Variants in JCAD observed in about 807,000 individuals in gnomAD.
JCAD encodes the protein junctional cadherin 5-associated protein.
A neutral mutation model predicts 98.0 loss-of-function variants in JCAD; 40 were observed. The observed-to-expected ratio is 0.41, with a 90% CI of 0.32 to 0.53. The LOEUF is 0.53. JCAD is among the 20% of genes least tolerant of loss of function. The pLI is 0.31. For synonymous variants in JCAD, 691 were observed against 682.3 expected (o/e 1.01, Z -0.20); for missense variants, 1,705 against 1,738.1 (o/e 0.98, Z 0.34).
At position 30,016,820 on chromosome 10, in the gene JCAD, A is replaced by AT. The variant is rs1417806729; in HGVS notation, c.*1062dup. 1 of 152,204 alleles carries AT rather than the reference A, an allele frequency of 6.6e-6. No individual in the cohort carries two copies. The highest frequency in any genetic ancestry group is 1.5e-5 in the Non-Finnish European group (1 of 68,052). The allele number at this position is 152,204 out of a possible 1,614,324, so 9.4% of individuals were successfully genotyped here. On this transcript the variant is annotated 3_prime_UTR_variant, in exon 4 of 4. Transcript: ENST00000375377. ...GAGGGTTATTTTCAAATATAACCTG[A>AT]TAGCTACACTTGTACAAAAATCTTT... is the stretch of plus-strand genomic sequence containing the variant.
At chr10:30,039,380 C>T (rs1283784313) in intron 2 of JCAD, among the ~76,000 whole-genome samples, 1 of 152,220 alleles carries the variant, frequency 6.6e-6, no homozygotes, top group Non-Finnish European at 1.5e-5. Flanking sequence ...AACGTGAGGC[C>T]CTTCCCACCT....
At chr10:30,113,145 G>A (rs1191435575) in intron 1 of JCAD, among the ~76,000 whole-genome samples, 2 of 152,150 alleles carry the variant, frequency 1.3e-5, no homozygotes, top group Non-Finnish European at 2.9e-5. Flanking sequence ...GTCAATGAAG[G>A]TGGTCATGGG....
At chr10:30,110,870 A>T (rs1196478795) in intron 1 of JCAD, among the ~76,000 whole-genome samples, 1 of 149,760 alleles carries the variant, frequency 6.7e-6, no homozygotes, top group Non-Finnish European at 1.5e-5. Context: ...TGATGTATAG[A>T]CCCCAATGTA....
At chr10:30,082,150 A>C (rs1838097984) in intron 1 of JCAD, among the ~76,000 whole-genome samples, 1 of 152,218 alleles carries the variant, frequency 6.6e-6, no homozygotes, top group African/African-American at 2.4e-5. Flanking sequence ...GTGATGATTA[A>C]AACCTTAAAA....
rs1836812047 is a variant in JCAD at position 30,026,673 on chromosome 10, A to G, written c.3475T>C (p.Phe1159Leu). The G allele has an allele frequency of 1.9e-6, 3 of 1,613,446 alleles. No homozygotes were observed. The highest frequency in any genetic ancestry group is 2.5e-6 in the Non-Finnish European group (3 of 1,180,024). Residue 1159 changes from phenylalanine to leucine, a missense_variant, in exon 3 of 4, where the codon TTT becomes CTT. By Grantham distance (22) the Phe-to-Leu change is conservative (BLOSUM62 0). Around this residue, in one of 3 missense-constraint regions of JCAD, gnomAD observed 1,278 missense variants for 1,243.1 expected, o/e 1.03. Coordinates refer to ENST00000375377, the MANE Select transcript of JCAD (RefSeq NM_020848.4). ...RKCGWTKSPL[F>L]VGDRDSARRA... ...CTGGCACTGTCCCTGTCCCCTACAA[A>G]GAGAGGGCTCTTGGTCCAGCCGCAC...
Position 30,047,949 on chromosome 10 carries a change from C to T in JCAD, c.-59-78G>A, listed in dbSNP as rs866930477. 3.4e-5 allele frequency: 27 copies of T among 803,636 alleles called. No individual in the cohort carries two copies. The South Asian group carries it at 4.5e-4, about 13-fold the overall frequency. 49.8% of individuals were successfully genotyped at this position (803,636 alleles called of 1,614,324 possible). On this transcript the variant is annotated intron_variant, in intron 1 of 3. Transcript: ENST00000375377. ...CTGACACCTCCTCCTCCCGTGGTCC[C>T]CCCACCAAACCAGACCATGGCGATG...
intron 1 of JCAD, among the ~76,000 whole-genome samples, chr10:30,084,283 A>G (rs1329715241): frequency 6.6e-6 from 1 of 152,226 alleles, no homozygotes; most frequent in Non-Finnish European, 1.5e-5. Context: ...TGAAAACTTC[A>G]CTATTATTCA....
Position 30,027,450 on chromosome 10 carries a change from C to A in JCAD, c.2698G>T (p.Glu900Ter). 6.2e-7 allele frequency: 1 copy of A among 1,604,812 alleles called. No individual in the cohort carries two copies. The highest frequency in any genetic ancestry group is 8.5e-7 in the Non-Finnish European group (1 of 1,179,986). ...CTTCCCGACCTACACACAGGGCTCT[C>A]CGGCACCCACATCCTCGGCTGTGGC... ...VEPQPRMWVP[E>*]SPVCRSGRGE... The change falls in exon 3 of 4, where the codon GAG (glutamate) becomes TAG (stop). Residue 900 changes from glutamate (E) to a stop codon, truncating the protein, a stop_gained. Transcript: ENST00000375377. LOFTEE classifies it high-confidence loss of function.
chr10:30,019,952 C>A (rs1292004888), intron 3 of JCAD, among the ~76,000 whole-genome samples: 3 of 138,334 alleles, frequency 2.2e-5, no homozygotes, highest in African/African-American at 8.2e-5. Context: ...GGAAAAAAAA[C>A]AGCAAGTCTC....
At chr10:30,036,379 G>A (rs988894886) in intron 2 of JCAD, among the ~76,000 whole-genome samples, 4 of 152,010 alleles carry the variant, frequency 2.6e-5, no homozygotes, top group Non-Finnish European at 4.4e-5. Flanking sequence ...AACCCAGGAG[G>A]TGGAGGTTGC....
intron 1 of JCAD, among the ~76,000 whole-genome samples, chr10:30,081,780 C>T (rs1712420571): frequency 1.3e-5 from 2 of 152,168 alleles, no homozygotes; most frequent in South Asian, 2.1e-4. Context: ...GCAGTACCGA[C>T]ATGCCGCTGC....
intron 1 of JCAD, among the ~76,000 whole-genome samples, chr10:30,092,052 A>ATATAT (rs1838280004): frequency 3.9e-5 from 1 of 25,404 alleles, no homozygotes; most frequent in African/African-American, 1.5e-4. Context: ...AAAAAAAAAA[A>ATATAT]AAAAAAAAAA....
At chr10:30,019,602 TG>T (rs1836615196) in intron 3 of JCAD, among the ~76,000 whole-genome samples, 1 of 151,014 alleles carries the variant, frequency 6.6e-6, no homozygotes, top group African/African-American at 2.4e-5. Flanking sequence ...GAAGGGTGGT[TG>T]CCAGGGGCTG....
intron 1 of JCAD, among the ~76,000 whole-genome samples, chr10:30,096,533 G>A (rs1395747009): frequency 1.3e-5 from 2 of 151,932 alleles, no homozygotes; most frequent in Non-Finnish European, 2.9e-5. Context: ...ATAACATTCA[G>A]CTGAAGTATC....
Position 30,029,667 on chromosome 10 carries a change from C to G in JCAD, c.481G>C (p.Glu161Gln). The change falls in exon 3 of 4, where the codon GAG (glutamate) becomes CAG (glutamine). Residue 161 changes from glutamate to glutamine, a missense_variant. Glu to Gln is a conservative substitution (Grantham distance 29, BLOSUM62 2). This residue lies in a region of JCAD where 275 missense variants were observed against 346.9 expected (regional missense o/e 0.79). Coordinates refer to ENST00000375377, the MANE Select transcript of JCAD (RefSeq NM_020848.4). ...CAAACTGGCTTCTTCATCACATGCT[C>G]TGACCTTCCTCCAACTTCCCATGGA... Reference protein sequence around the residue: ...EGPWEVGGRSEHVMKKPVWEE... With the variant: ...EGPWEVGGRSQHVMKKPVWEE... 1 of 1,614,242 alleles carries G rather than the reference C, an allele frequency of 6.2e-7. No homozygotes were observed. The highest frequency in any genetic ancestry group is 1.1e-5 in the South Asian group (1 of 91,086).
chr10:30,043,873 T>C (rs1034604829), intron 2 of JCAD, among the ~76,000 whole-genome samples: 5 of 152,250 alleles, frequency 3.3e-5, no homozygotes, highest in African/African-American at 7.2e-5. Flanking sequence ...TGAGCAGCCA[T>C]TGATGGCCAG....
intron 1 of JCAD, among the ~76,000 whole-genome samples, chr10:30,105,783 T>C (rs2132713966): frequency 6.6e-6 from 1 of 152,338 alleles, no homozygotes; most frequent in Non-Finnish European, 1.5e-5. Flanking sequence ...TGCCAATGTG[T>C]TATTTTTTAT....
intron 1 of JCAD, among the ~76,000 whole-genome samples, chr10:30,087,841 C>G (rs527299218): frequency 6.6e-6 from 1 of 152,138 alleles, no homozygotes; most frequent in South Asian, 2.1e-4. Flanking sequence ...ACTTCTGTAA[C>G]CTTTGTTTGT....
chr10:30,061,804 C>T (rs746546781), upstream of JCAD, among the ~76,000 whole-genome samples: 9 of 151,216 alleles, frequency 6.0e-5, no homozygotes, highest in Non-Finnish European at 1.0e-4. Flanking sequence ...AAGCATCATT[C>T]GATGATGGAT....
Sources: gnomAD v4.1 joint callset for allele counts (sites outside exome capture counted in the v4.1 genomes callset) on GRCh38, gnomAD v4.1.1 for gene constraint, gnomAD v4.1.1 regional missense constraint, MANE v1.5 for transcripts, NCBI Gene and HGNC (gene_info 2026-07-23, HGNC 2026-07-21) for gene names.